INTU: variants seen among roughly 807,000 people sequenced by gnomAD.
The protein encoded by INTU is inturned planar cell polarity protein.
A neutral mutation model predicts 100.5 loss-of-function variants in INTU; 68 were observed. That is an observed-to-expected ratio of 0.68 (90% confidence interval 0.56 to 0.83). The LOEUF is 0.83. Ranked by LOEUF, INTU falls within the 40% of genes least tolerant of loss-of-function variation. The probability of loss-of-function intolerance (pLI) is 0.00; values close to 1 mark genes in which losing one functional copy is unlikely to be tolerated. For synonymous variants in INTU, 357 were observed against 395.7 expected (o/e 0.90, Z 1.16); for missense variants, 1,071 against 1,114.7 (o/e 0.96, Z 0.56).
At chr4:127,646,278 CTACTT>C (rs1727584926) in intron 2 of INTU, among the ~76,000 whole-genome samples, 1 of 151,902 alleles carries the variant, frequency 6.6e-6, no homozygotes, top group South Asian at 2.1e-4. Flanking sequence ...CTTGGGTCCT[CTACTT>C]TCCTTCTTGT....
intron 12 of INTU, among the ~76,000 whole-genome samples, chr4:127,707,763 A>T (rs1022610682): frequency 2.6e-5 from 4 of 152,330 alleles, no homozygotes; most frequent in African/African-American, 9.6e-5. Flanking sequence ...TTCATTTTTC[A>T]GATCATTTTT....
At chr4:127,672,040 G>A (rs1728954842) in intron 5 of INTU, among the ~76,000 whole-genome samples, 1 of 151,892 alleles carries the variant, frequency 6.6e-6, no homozygotes, top group African/African-American at 2.4e-5. Context: ...CTACTTAATG[G>A]ATACAATGTA....
chr4:127,694,863 T>C (rs1163625824), intron 8 of INTU, among the ~76,000 whole-genome samples: 1 of 152,230 alleles, frequency 6.6e-6, no homozygotes, highest in African/African-American at 2.4e-5. Context: ...CATTGACATA[T>C]TTGTCTGTTC....
At chr4:127,712,051 C>CA (rs1436661700) in intron 14 of INTU, among the ~76,000 whole-genome samples, 4 of 152,046 alleles carry the variant, frequency 2.6e-5, no homozygotes, top group African/African-American at 9.7e-5. Context: ...GTTATACAGC[C>CA]AAAAAACCTC....
At chr4:127,646,753 A>C (rs1163198017) in intron 2 of INTU, among the ~76,000 whole-genome samples, 1 of 152,180 alleles carries the variant, frequency 6.6e-6, no homozygotes, top group Non-Finnish European at 1.5e-5. Context: ...TCAGAATGGT[A>C]GGTTGGGAGG....
At chr4:127,681,364 T>A (rs1729537618) in intron 6 of INTU, among the ~76,000 whole-genome samples, 1 of 152,190 alleles carries the variant, frequency 6.6e-6, no homozygotes, top group Non-Finnish European at 1.5e-5. Flanking sequence ...ACTACAAGGC[T>A]ACAGTAACCA....
Position 127,641,739 on chromosome 4 carries a change from G to A in INTU, c.147-1782G>A, listed in dbSNP as rs548891333. 2.6e-5 allele frequency among the ~76,000 whole-genome samples: 4 copies of A among 152,160 alleles called. No homozygotes were observed. In the South Asian group the frequency reaches 6.2e-4, roughly 24 times the overall value. The stretch of plus-strand genomic sequence containing the variant: ...AGCAAGGGCGGGAACTGACATTCTC[G>A]TCATTATAATTCTGGTACTTACCAT... On this transcript the variant is annotated intron_variant, in intron 1 of 15. Coordinates refer to ENST00000335251, the MANE Select transcript of INTU (RefSeq NM_015693.4).
chr4:127,710,827 G>A, intron 13 of INTU, 86 bp from the exon 14 acceptor site: 1 of 735,338 alleles, frequency 1.4e-6, no homozygotes, highest in African/African-American at 1.8e-5. Flanking sequence ...AAGCTTATAA[G>A]AAGTCTACTA....
intron 1 of INTU, 67 bp from the exon 2 acceptor site, chr4:127,643,454 C>A: frequency 7.4e-7 from 1 of 1,342,372 alleles, no homozygotes; most frequent in Non-Finnish European, 1.0e-6. Flanking sequence ...CACCCCCATG[C>A]CAGGATGACA....
intron 8 of INTU, among the ~76,000 whole-genome samples, chr4:127,688,206 C>CA (rs80107806): frequency 0.052 from 5,957 of 114,848 alleles, 354 homozygotes; most frequent in African/African-American, 0.16. Flanking sequence ...TGTTTCTGTA[C>CA]AAAAAAAAAA....
intron 5 of INTU, among the ~76,000 whole-genome samples, chr4:127,673,000 A>T (rs1223293177): frequency 1.3e-5 from 2 of 152,232 alleles, no homozygotes; most frequent in African/African-American, 4.8e-5. Context: ...TCATCACCCC[A>T]AAAGTTTCCT....
intron 1 of INTU, among the ~76,000 whole-genome samples, chr4:127,640,442 T>C (rs1727260043): frequency 6.6e-6 from 1 of 150,622 alleles, no homozygotes; most frequent in Non-Finnish European, 1.5e-5. Flanking sequence ...GTCTTTCTCT[T>C]CTTAAAATGA....
intron 6 of INTU, among the ~76,000 whole-genome samples, chr4:127,684,117 GC>G (rs1237848786): frequency 6.6e-6 from 1 of 152,158 alleles, no homozygotes; most frequent in Non-Finnish European, 1.5e-5. Context: ...TCTGAGAAGG[GC>G]TTGGTGACTA....
intron 7 of INTU, chr4:127,685,485 A>T: frequency 2.2e-6 from 1 of 455,804 alleles, no homozygotes; most frequent in South Asian, 1.6e-5. Flanking sequence ...TGGGAAAATT[A>T]TCTAGTTTGC....
intron 5 of INTU, among the ~76,000 whole-genome samples, chr4:127,669,615 G>A (rs1465986103): frequency 6.6e-6 from 1 of 151,742 alleles, no homozygotes; most frequent in Admixed American, 6.6e-5. Context: ...ACGAAAATTG[G>A]TCATATAGTT....
intron 6 of INTU, among the ~76,000 whole-genome samples, chr4:127,679,757 G>C (rs1245899714): frequency 6.6e-6 from 1 of 151,676 alleles, no homozygotes; most frequent in Non-Finnish European, 1.5e-5. Flanking sequence ...TAAAATCAGA[G>C]CAGAACTGAA....
At chr4:127,656,043 C>G (rs1036937629) in intron 2 of INTU, among the ~76,000 whole-genome samples, 1 of 152,218 alleles carries the variant, frequency 6.6e-6, no homozygotes, top group African/African-American at 2.4e-5. Context: ...TGACCCCTTG[C>G]GCTTCCCAAG....
In INTU at chr4:127,689,401, G is replaced by A. The variant is rs1415052820; in HGVS notation, c.1449+1534G>A. Among the ~76,000 whole-genome samples, 7 of 152,192 alleles carry A rather than the reference G, an allele frequency of 4.6e-5. No individual in the cohort carries two copies. The East Asian group carries it at 5.8e-4, about 13-fold the overall frequency. The stretch of plus-strand genomic sequence containing the variant: ...ATGGTGGCTCATGCCTGTAATCCTC[G>A]TGCTTTGGGAGACTGAGGTGGGAGG... On this transcript the variant is annotated intron_variant, in intron 8 of 15. Coordinates refer to ENST00000335251, the MANE Select transcript of INTU (RefSeq NM_015693.4).
chr4:127,705,864 T>G, intron 11 of INTU, 52 bp downstream of exon 11: 1 of 1,498,866 alleles, frequency 6.7e-7, no homozygotes, highest in Non-Finnish European at 9.2e-7. Context: ...TCTTTTATTT[T>G]TTTCTTTTCG....
Sources: allele counts gnomAD v4.1 joint callset (sites outside exome capture counted in the v4.1 genomes callset), GRCh38; gene constraint gnomAD v4.1.1; transcripts MANE v1.5; gene names NCBI Gene and HGNC (gene_info 2026-07-23, HGNC 2026-07-21).